Variants in TRIM25 observed in about 807,000 individuals in gnomAD.
TRIM25 encodes E3 ubiquitin/ISG15 ligase TRIM25.
A neutral mutation model predicts 65.2 loss-of-function variants in TRIM25; 45 were observed. The observed-to-expected ratio is 0.69, with a 90% CI of 0.54 to 0.89. The LOEUF is 0.89. Ranked by LOEUF, TRIM25 falls within the 40% of genes least tolerant of loss-of-function variation. TRIM25 has a pLI of 0.00. For synonymous variants in TRIM25, 321 were observed against 340.4 expected, an observed-to-expected ratio of 0.94 and a Z score of 0.63; for missense variants, 714 against 803.7, an observed-to-expected ratio of 0.89 and a Z score of 1.35.
chr17:56,905,581 T>C (rs1909504485), intron 2 of TRIM25, among the ~76,000 whole-genome samples: 1 of 152,176 alleles, frequency 6.6e-6, no homozygotes, highest in South Asian at 2.1e-4. Flanking sequence ...AAAAGGAATG[T>C]AAAATATCTT....
rs1567836696 is a variant in TRIM25, at chr17:56,890,523, G to A, written c.*1177C>T. 2.2e-6 allele frequency: 1 copy of A among 448,944 alleles called. No individual in the cohort carries two copies. Among genetic ancestry groups the A allele is most frequent in the South Asian group, 1.6e-5 (1 of 63,802 alleles). The allele number at this position is 448,944 out of a possible 1,614,324, so 27.8% of individuals were successfully genotyped here. A position where few individuals can be genotyped will look rare whatever the true frequency, so the allele number is the denominator to read the frequency against. On this transcript the variant is annotated 3_prime_UTR_variant, in exon 9 of 9. Transcript: ENST00000316881. Reference sequence around the variant, plus strand: ...CCTGTGGCCAGGGATGAACAGGAATGTTCCTGTTCCCCATGAGGTTTGCTA... The same window carrying A: ...CCTGTGGCCAGGGATGAACAGGAATATTCCTGTTCCCCATGAGGTTTGCTA...
chr17:56,902,182 G>A (rs1254000318), intron 3 of TRIM25, among the ~76,000 whole-genome samples: 2 of 152,154 alleles, frequency 1.3e-5, no homozygotes, highest in Non-Finnish European at 2.9e-5. Context: ...GAAACTTAAC[G>A]CCATCCAGAC....
Position 56,895,562 on chromosome 17 carries a change from GC to G in TRIM25, c.1222del (p.Ala408ProfsTer5). 6.3e-7 allele frequency: 1 copy of G among 1,585,140 alleles called. No homozygotes were observed. The highest frequency in any genetic ancestry group is 8.6e-7 in the Non-Finnish European group (1 of 1,163,356). On this transcript the variant is annotated frameshift_variant, in exon 7 of 9. Transcript: ENST00000316881. LOFTEE classifies it high-confidence loss of function. ...TTTTAAATCCACTAACTGTTCCGGG[GC>G]TCCAAACGTGGGAAGCTTGCTGGGT... Reference protein sequence around the residue: ...ALPSKLPTFGAPEQLVDLKQA... With the variant: ...ALPSKLPTFGXPEQLVDLKQA...
rs1236134347 is a variant in TRIM25, at chr17:56,913,752, G to T, written c.237C>A (p.Ala79=). The T allele has an allele frequency of 1.3e-6, 2 of 1,549,024 alleles. No individual in the cohort carries two copies. Among genetic ancestry groups the T allele is most frequent in the East Asian group, 2.3e-5 (1 of 43,572 alleles). ...CGGCGGGTGGCTCCCGGGCCAGGTC[G>T]GCCTGCAGGAACTGCTCCACCACGT... ...LCNVVEQFLQ[A]DLAREPPADV... Residue 79 remains alanine (A), a synonymous_variant, in exon 1 of 9, where the codon GCC becomes GCA. Coordinates refer to ENST00000316881, the MANE Select transcript of TRIM25 (RefSeq NM_005082.5). This position sits in a 1 kb window ranked among gnomAD's most constrained non-coding sequence, Gnocchi z 6.1.
At chr17:56,909,299 G>A (rs530682702) in intron 1 of TRIM25, among the ~76,000 whole-genome samples, 2 of 152,168 alleles carry the variant, frequency 1.3e-5, no homozygotes, top group East Asian at 1.9e-4. Flanking sequence ...CCAGAACAAG[G>A]CTGGGAGCCT....
rs1302240328 is a variant in TRIM25, at chr17:56,890,860, G to A, written c.*840C>T. The stretch of plus-strand genomic sequence containing the variant: ...TCCTTGCCCCACAGCCAAGGCTATG[G>A]GAAGCAAGGCCTCCAGCAAAGCTCA... On this transcript the variant is annotated 3_prime_UTR_variant, in exon 9 of 9. Transcript: ENST00000316881. 7 of 456,538 alleles carry A rather than the reference G, an allele frequency of 1.5e-5. No individual in the cohort carries two copies. Among genetic ancestry groups the A allele is most frequent in the African/African-American group, 1.2e-4 (6 of 50,052 alleles). The allele number at this position is 456,538 out of a possible 1,614,324, so 28.3% of individuals were successfully genotyped here. A position where few individuals can be genotyped will look rare whatever the true frequency, so the allele number is the denominator to read the frequency against.
Position 56,913,797 on chromosome 17 carries a change from G to T in TRIM25, c.192C>A (p.His64Gln), listed in dbSNP as rs1909680531. 2 of 1,559,834 alleles carry T rather than the reference G, an allele frequency of 1.3e-6. No individual in the cohort carries two copies. The highest frequency in any genetic ancestry group is 1.7e-6 in the Non-Finnish European group (2 of 1,152,908). ...CCACGTTGCACAGCACCGTGTTCTT[G>T]TGCAGCTGCGGTCGCGCCTGGTAGA... Reference protein sequence around the residue: ...RAVYQARPQLHKNTVLCNVVE... With the variant: ...RAVYQARPQLQKNTVLCNVVE... Residue 64 changes from histidine (H) to glutamine (Q), a missense_variant, in exon 1 of 9, where the codon CAC becomes CAA. Physicochemically the swap from His to Gln is conservative, Grantham distance 24 (BLOSUM62 0). Coordinates refer to ENST00000316881, the MANE Select transcript of TRIM25 (RefSeq NM_005082.5). This position sits in a 1 kb window ranked among gnomAD's most constrained non-coding sequence, Gnocchi z 6.1.
At chr17:56,898,360 T>A (rs753729764) in intron 5 of TRIM25, among the ~76,000 whole-genome samples, 1 of 152,170 alleles carries the variant, frequency 6.6e-6, no homozygotes, top group African/African-American at 2.4e-5. Context: ...CTCAGTGGTA[T>A]ATGGCTCATA....
Position 56,890,922 on chromosome 17 carries a change from TA to T in TRIM25, c.*777del. ...AAAGCATCTCTGCCAAGATGCTTCT[TA>T]TGATACTTAGGAAGGATTTCCACCC... On this transcript the variant is annotated 3_prime_UTR_variant, in exon 9 of 9. Coordinates refer to ENST00000316881, the MANE Select transcript of TRIM25 (RefSeq NM_005082.5). The T allele has an allele frequency of 2.2e-6, 1 of 456,534 alleles. No homozygotes were observed. Among genetic ancestry groups the T allele is most frequent in the Non-Finnish European group, 4.4e-6 (1 of 226,876 alleles). 28.3% of individuals were successfully genotyped at this position (456,534 alleles called of 1,614,324 possible).
intron 5 of TRIM25, among the ~76,000 whole-genome samples, 181 bp from the exon 6 acceptor site, chr17:56,896,133 C>T (rs1010730517): frequency 1.3e-5 from 2 of 152,004 alleles, no homozygotes; most frequent in East Asian, 1.9e-4. Flanking sequence ...CATGAGCGGT[C>T]GTGGGGGCGG....
chr17:56,892,106 G>A lies in TRIM25; in HGVS notation c.1487C>T (p.Thr496Ile). The change falls in exon 9 of 9, where the codon ACA becomes ATA. Residue 496 changes from threonine to isoleucine, a missense_variant. Thr to Ile is a moderately conservative substitution (Grantham distance 89). Coordinates refer to ENST00000316881, the MANE Select transcript of TRIM25 (RefSeq NM_005082.5). ...QNYRPHPQRF[T>I]YCSQVLGLHC... ...CAGGCCCAGCACCTGAGAGCAGTAT[G>A]TGAACCTCTGGGGATGCGGCCGGTA... The A allele has an allele frequency of 6.2e-7, 1 of 1,614,238 alleles. No individual in the cohort carries two copies. The highest frequency in any genetic ancestry group is 8.5e-7 in the Non-Finnish European group (1 of 1,180,040).
At chr17:56,898,665 A>G (rs937726270) in intron 5 of TRIM25, among the ~76,000 whole-genome samples, 4 of 152,100 alleles carry the variant, frequency 2.6e-5, no homozygotes, top group African/African-American at 9.7e-5. Context: ...AATTTTCTCA[A>G]ATGGTTCTGG....
At chr17:56,892,630 C>T (rs1909205660) in intron 8 of TRIM25, among the ~76,000 whole-genome samples, 1 of 152,176 alleles carries the variant, frequency 6.6e-6, no homozygotes, top group Non-Finnish European at 1.5e-5. Context: ...TCTATCCACC[C>T]ATCCATTATT....
intron 3 of TRIM25, among the ~76,000 whole-genome samples, chr17:56,903,167 G>A (rs1214770392): frequency 6.6e-6 from 1 of 152,200 alleles, no homozygotes; most frequent in Non-Finnish European, 1.5e-5. Context: ...TTGGGAGGCC[G>A]AGGTGGGTGG....
chr17:56,904,177 T>G, intron 3 of TRIM25, 78 bp downstream of exon 3: 1 of 1,249,056 alleles, frequency 8.0e-7, no homozygotes, highest in Non-Finnish European at 1.1e-6. Context: ...TCCCGCTCCT[T>G]GAGGGCCCTA....
At chr17:56,906,771 A>G (rs1909528787) in intron 2 of TRIM25, among the ~76,000 whole-genome samples, 1 of 152,238 alleles carries the variant, frequency 6.6e-6, no homozygotes, top group Non-Finnish European at 1.5e-5. Context: ...CTGGGATTAC[A>G]GGCGTGAGCC....
chr17:56,905,806 T>TA (rs537871597), intron 2 of TRIM25, among the ~76,000 whole-genome samples: 129 of 151,672 alleles, frequency 8.5e-4, no homozygotes, highest in African/African-American at 3.0e-3. Flanking sequence ...AAAATAAAAA[T>TA]AAAAAAATTA....
intron 5 of TRIM25, among the ~76,000 whole-genome samples, chr17:56,897,710 C>A (rs992046484): frequency 6.6e-6 from 1 of 152,168 alleles, no homozygotes; most frequent in Admixed American, 6.5e-5. Context: ...AGGACCTCAC[C>A]TCACTGGGGA....
chr17:56,892,128 G>A lies in TRIM25; in HGVS notation c.1465C>T (p.Arg489Trp), dbSNP rs1333123140. 9.3e-6 allele frequency: 15 copies of A among 1,614,046 alleles called. No homozygotes were observed. The highest frequency in any genetic ancestry group is 1.6e-4 in the Middle Eastern group (1 of 6,084). Reference sequence around the variant, plus strand: ...TATGTGAACCTCTGGGGATGCGGCCGGTAGTTCTGAGGCATCTCAGCCACA... The same window carrying A: ...TATGTGAACCTCTGGGGATGCGGCCAGTAGTTCTGAGGCATCTCAGCCACA... ...ASVAEMPQNYRPHPQRFTYCS... is the reference protein window; with the variant it reads ...ASVAEMPQNYWPHPQRFTYCS... Residue 489 changes from arginine (R) to tryptophan (W), a missense_variant, in exon 9 of 9, where the codon CGG (arginine) becomes TGG (tryptophan). Around this residue, in one of 3 missense-constraint regions of TRIM25, gnomAD observed 413 missense variants for 498.2 expected, o/e 0.83. Transcript: ENST00000316881.
Sources: allele counts gnomAD v4.1 joint callset (sites outside exome capture counted in the v4.1 genomes callset), GRCh38; gene constraint gnomAD v4.1.1; regional missense constraint gnomAD v4.1.1; non-coding constraint Gnocchi (gnomAD v3.1); transcripts MANE v1.5; gene names NCBI Gene and HGNC (gene_info 2026-07-23, HGNC 2026-07-21).